The following NRG1 variants were observed in gnomAD, a reference collection of about 807,000 sequenced individuals.
NRG1 encodes neuregulin 1, also known as pro-neuregulin-1, membrane-bound isoform.
A neutral mutation model predicts 63.8 loss-of-function variants in NRG1; 18 were observed. The observed-to-expected ratio is 0.28, with a 90% CI of 0.19 to 0.42. The LOEUF (loss-of-function observed/expected upper bound fraction) is 0.42, where lower values mean the gene tolerates loss of function less well. NRG1 is among the 10% of genes least tolerant of loss of function. NRG1 has a pLI of 1.00. For synonymous variants in NRG1, 302 were observed against 301.3 expected, an observed-to-expected ratio of 1.00 and a Z score of -0.02; for missense variants, 762 against 814.7, an observed-to-expected ratio of 0.94 and a Z score of 0.79.
chr8:31,903,406 C>T (rs1832258948), intron 1 of NRG1, among the ~76,000 whole-genome samples: 1 of 151,660 alleles, frequency 6.6e-6, no homozygotes, highest in South Asian at 2.1e-4. Flanking sequence ...GCCTCGGCCT[C>T]CCAAAGTGTT....
intron 1 of NRG1, among the ~76,000 whole-genome samples, chr8:31,665,969 A>G (rs553365042): frequency 6.6e-6 from 1 of 152,282 alleles, no homozygotes; most frequent in Admixed American, 6.5e-5. Flanking sequence ...CCGTTTGGGA[A>G]CAAAGCCACG....
At position 32,510,120 on chromosome 8, in the gene NRG1, A is replaced by G. The variant is rs1212830889; in HGVS notation, c.38-85708A>G. 3.2e-5 allele frequency among the ~76,000 whole-genome samples: 4 copies of G among 123,158 alleles called. No homozygotes were observed. In the East Asian group the frequency reaches 8.0e-4, roughly 25 times the overall value. 80.8% of individuals were successfully genotyped at this position (123,158 alleles called of 152,430 possible). A position where few individuals can be genotyped will look rare whatever the true frequency, so the allele number is the denominator to read the frequency against. On this transcript the variant is annotated intron_variant, in intron 1 of 10. Coordinates refer to the NRG1 transcript ENST00000519301. ...AAAAATAATAATAATAATAATAATA[A>G]TAATAATCATAAAAGCAAGGGAGGG...
chr8:32,066,746 G>A (rs957484076), intron 1 of NRG1, among the ~76,000 whole-genome samples: 2 of 152,132 alleles, frequency 1.3e-5, no homozygotes, highest in Non-Finnish European at 2.9e-5. Flanking sequence ...TAGCTTGATG[G>A]GGATGGCATT....
At chr8:32,088,810 G>T (rs574569709) in intron 1 of NRG1, among the ~76,000 whole-genome samples, 1 of 152,174 alleles carries the variant, frequency 6.6e-6, no homozygotes, top group Non-Finnish European at 1.5e-5. Context: ...GAGCCACTGC[G>T]CCTGGCCCAG....
In NRG1 at chr8:32,756,368, C is replaced by A. The variant is rs186909366; in HGVS notation, c.795-35C>A. ...GGCTCTACTATGAAATGAAAATAAT[C>A]AAAAAAAAATAAATGCTCCCTTTCT... On this transcript the variant is annotated intron_variant, in intron 8 of 11. Coordinates refer to ENST00000356819, the Ensembl canonical transcript of NRG1. 3.9e-4 allele frequency: 609 copies of A among 1,573,966 alleles called. 1 individual carries two copies. In the African/African-American group the frequency reaches 5.7e-3, roughly 15 times the overall value.
chr8:32,700,899 C>T (rs1463688884), intron 5 of NRG1, among the ~76,000 whole-genome samples: 1 of 152,140 alleles, frequency 6.6e-6, no homozygotes, highest in Non-Finnish European at 1.5e-5. Flanking sequence ...GTCACACTGA[C>T]CTGCATTCAC....
At chr8:31,942,332 A>G (rs2129621208) in intron 1 of NRG1, among the ~76,000 whole-genome samples, 1 of 152,292 alleles carries the variant, frequency 6.6e-6, no homozygotes, top group African/African-American at 2.4e-5. Flanking sequence ...TTGGCAAGCC[A>G]CATGTAGAGG....
chr8:32,498,748 C>A (rs1174083444), intron 1 of NRG1, among the ~76,000 whole-genome samples: 1 of 152,194 alleles, frequency 6.6e-6, no homozygotes, highest in Non-Finnish European at 1.5e-5. Flanking sequence ...TCAGTGTTGA[C>A]TCCCTATCTT....
intron 1 of NRG1, among the ~76,000 whole-genome samples, chr8:32,533,082 T>G (rs1831617655): frequency 6.6e-6 from 1 of 152,010 alleles, no homozygotes; most frequent in East Asian, 1.9e-4. Flanking sequence ...CATTTTTTTC[T>G]TTATCTTTCA....
At chr8:32,690,928 T>G (rs1322928542) in intron 5 of NRG1, among the ~76,000 whole-genome samples, 1 of 147,584 alleles carries the variant, frequency 6.8e-6, no homozygotes, top group Non-Finnish European at 1.5e-5. Flanking sequence ...GATTTTATTG[T>G]TTCCCTCTCA....
intron 1 of NRG1, among the ~76,000 whole-genome samples, chr8:32,051,897 C>T (rs1039812437): frequency 2.6e-5 from 4 of 152,122 alleles, no homozygotes; most frequent in African/African-American, 9.7e-5. Context: ...TTCATATTTG[C>T]AGCGGGGAGG....
intron 1 of NRG1, among the ~76,000 whole-genome samples, chr8:32,475,546 T>A (rs1055131320): frequency 6.6e-6 from 1 of 151,994 alleles, no homozygotes; most frequent in Non-Finnish European, 1.5e-5. Context: ...TGTTTGTTTG[T>A]TTTTCAGAGA....
chr8:31,757,922 G>GCCCCT (rs1018418160), intron 1 of NRG1, among the ~76,000 whole-genome samples: 3 of 151,818 alleles, frequency 2.0e-5, no homozygotes, highest in African/African-American at 7.3e-5. Flanking sequence ...AATTCCTCAT[G>GCCCCT]CCCCTCACTC....
intron 1 of NRG1, among the ~76,000 whole-genome samples, chr8:32,067,082 G>T (rs4733290): frequency 0.98 from 148,665 of 152,272 alleles, 72,673 homozygotes; most frequent in East Asian, 1. Flanking sequence ...CTTAAGGAGA[G>T]TTTGGGCTGA....
At chr8:32,738,313 C>T (rs1317702663) in intron 6 of NRG1, among the ~76,000 whole-genome samples, 1 of 151,626 alleles carries the variant, frequency 6.6e-6, no homozygotes, top group South Asian at 2.1e-4. Context: ...ATTTTCACCC[C>T]ATTAATAACA....
At chr8:31,917,880 A>G (rs144203026) in intron 1 of NRG1, among the ~76,000 whole-genome samples, 1 of 151,984 alleles carries the variant, frequency 6.6e-6, no homozygotes, top group African/African-American at 2.4e-5. Context: ...CTTTAATTTC[A>G]TTGAGCAGTG....
At chr8:32,488,026 C>T (rs1360711074) in intron 1 of NRG1, among the ~76,000 whole-genome samples, 2 of 152,268 alleles carry the variant, frequency 1.3e-5, no homozygotes, top group East Asian at 3.9e-4. Flanking sequence ...TTTCTTAGAG[C>T]ACCGCAGTCT....
chr8:32,601,628 G>A (rs1304510451), intron 2 of NRG1, among the ~76,000 whole-genome samples: 1 of 152,050 alleles, frequency 6.6e-6, no homozygotes, highest in Non-Finnish European at 1.5e-5. Flanking sequence ...TTGTCTGCCA[G>A]TGGGACCTCT....
chr8:32,610,752 A>C (rs1563763256), intron 3 of NRG1, among the ~76,000 whole-genome samples: 1 of 152,176 alleles, frequency 6.6e-6, no homozygotes, highest in Non-Finnish European at 1.5e-5. Flanking sequence ...GACATATATC[A>C]ACCTATGCAA....
Sources: gnomAD v4.1 joint callset for allele counts (sites outside exome capture counted in the v4.1 genomes callset) on GRCh38, gnomAD v4.1.1 for gene constraint, MANE v1.5 for transcripts, NCBI Gene and HGNC (gene_info 2026-07-23, HGNC 2026-07-21) for gene names.